UBQLN4: variants seen among roughly 807,000 people sequenced by gnomAD.
The protein encoded by UBQLN4 is ubiquilin 4.
In UBQLN4, 11 loss-of-function variants were observed where a neutral mutation model predicts 60.4. The observed-to-expected ratio is 0.18, with a 90% CI of 0.11 to 0.30. The LOEUF (loss-of-function observed/expected upper bound fraction) is 0.30. Among genes scored for constraint, UBQLN4 ranks in the 10% least tolerant of loss-of-function variants. UBQLN4 has a pLI of 1.00. For synonymous variants in UBQLN4, 258 were observed against 313.1 expected (o/e 0.82, Z 1.86); for missense variants, 417 against 795.5 (o/e 0.52, Z 5.72).
intron 1 of UBQLN4, 132 bp downstream of exon 1, chr1:156,053,462 G>A: frequency 1.7e-6 from 1 of 598,800 alleles, no homozygotes; most frequent in South Asian, 8.7e-5. Flanking sequence ...CTTGCCTTCA[G>A]CTCCTCGGAG....
Position 156,042,815 on chromosome 1 carries a change from T to G in UBQLN4, c.1225A>C (p.Met409Leu). 6.2e-7 allele frequency: 1 copy of G among 1,614,218 alleles called. No homozygotes were observed. Among genetic ancestry groups the G allele is most frequent in the East Asian group, 2.2e-5 (1 of 44,892 alleles). ...GGGTTCTGGGCAAGCGTCTGCATCA[T>G]GCTGCGCATGTAGGGTGCTGAGATC... is the stretch of plus-strand genomic sequence containing the variant. Reference protein sequence around the residue: ...NVISAPYMRSMMQTLAQNPDF... With the variant: ...NVISAPYMRSLMQTLAQNPDF... Residue 409 changes from methionine to leucine, a missense_variant, in exon 7 of 11, where the codon ATG becomes CTG. Met to Leu is a conservative substitution (Grantham distance 15). Coordinates refer to ENST00000368309, the MANE Select transcript of UBQLN4 (RefSeq NM_020131.5).
chr1:156,037,079 T>C lies in UBQLN4; in HGVS notation c.1705A>G (p.Met569Val). ...FQQQLEQLNS[M>V]GFINREANLQ... is the part of the protein sequence containing the mutation. ...TTAGCCTCACGATTGATGAAGCCCA[T>C]GGAGTTGAGCTGCTCCAGCTGCTGC... is the stretch of plus-strand genomic sequence containing the variant. Residue 569 changes from methionine to valine, a missense_variant, in exon 11 of 11, where the codon ATG becomes GTG. Physicochemically the swap from Met to Val is conservative, Grantham distance 21. Transcript: ENST00000368309. The C allele has an allele frequency of 6.2e-7, 1 of 1,614,186 alleles. No individual in the cohort carries two copies. The highest frequency in any genetic ancestry group is 8.5e-7 in the Non-Finnish European group (1 of 1,180,026).
chr1:156,048,132 C>T lies in UBQLN4; in HGVS notation c.900+369G>A, dbSNP rs544081092. 1.6e-4 allele frequency among the ~76,000 whole-genome samples: 25 copies of T among 152,212 alleles called. No individual in the cohort carries two copies. The highest frequency in any genetic ancestry group is 6.0e-4 in the African/African-American group (25 of 41,522). On this transcript the variant is annotated intron_variant, in intron 5 of 10. Transcript: ENST00000368309. The surrounding 1 kb of genome is among the most constrained non-coding windows in gnomAD (Gnocchi z 4.9). The stretch of plus-strand genomic sequence containing the variant: ...AGGTGGGGACCAGGATTCTCATTAT[C>T]AACAAGGTCCCCAGGTGATTCTGAT...
At chr1:156,033,175 C>T (rs1359332176), downstream of UBQLN4, 11 of 980,650 alleles carry the variant, frequency 1.1e-5, no homozygotes, top group Non-Finnish European at 1.3e-5. Context: ...GAAAACAAGG[C>T]ATCCGACTCT....
At chr1:156,042,109 T>C (rs1683583506) in intron 8 of UBQLN4, 44 bp downstream of exon 8, 1 of 1,608,416 alleles carries the variant, frequency 6.2e-7, no homozygotes, top group South Asian at 1.1e-5. Context: ...CTTCAGGGAC[T>C]ACCCCTTGCC....
Position 156,036,550 on chromosome 1 carries a change from A to G in UBQLN4, c.*428T>C. The G allele has an allele frequency of 3.0e-6, 3 of 987,904 alleles. No homozygotes were observed. The highest frequency in any genetic ancestry group is 3.6e-6 in the Non-Finnish European group (3 of 831,456). 61.2% of individuals were successfully genotyped at this position (987,904 alleles called of 1,614,324 possible). The stretch of plus-strand genomic sequence containing the variant: ...GGGCTAGGGGTTGGGGGGTAGGGAG[A>G]AAAAGAAGGAAGAGAGTTACCAAAA... On this transcript the variant is annotated 3_prime_UTR_variant, in exon 11 of 11. Coordinates refer to ENST00000368309, the MANE Select transcript of UBQLN4 (RefSeq NM_020131.5).
rs1683771359 is a variant in UBQLN4, at chr1:156,048,390, C to T, written c.900+111G>A. 7.6e-7 allele frequency: 1 copy of T among 1,319,224 alleles called. No homozygotes were observed. The highest frequency in any genetic ancestry group is 2.6e-5 in the Admixed American group (1 of 38,644). 81.7% of individuals were successfully genotyped at this position (1,319,224 alleles called of 1,614,324 possible). A position where few individuals can be genotyped will look rare whatever the true frequency, so the allele number is the denominator to read the frequency against. On this transcript the variant is annotated intron_variant, in intron 5 of 10. Transcript: ENST00000368309. The surrounding 1 kb of genome is among the most constrained non-coding windows in gnomAD (Gnocchi z 4.9). The stretch of plus-strand genomic sequence containing the variant: ...GAACTGCCTTCAAGCCAAGGCCCAC[C>T]CCTCAGGGGACTGGGGAAAGAAAGA...
intron 10 of UBQLN4, among the ~76,000 whole-genome samples, chr1:156,040,083 C>T (rs374828250): frequency 2.8e-4 from 42 of 152,016 alleles, no homozygotes; most frequent in African/African-American, 9.9e-4. Flanking sequence ...CACTAAGGCC[C>T]CCTGACTTGC....
In UBQLN4 at chr1:156,048,752, G is replaced by T; in HGVS notation, c.742-93C>A. The T allele has an allele frequency of 7.0e-7, 1 of 1,420,118 alleles. No homozygotes were observed. The highest frequency in any genetic ancestry group is 9.6e-7 in the Non-Finnish European group (1 of 1,040,632). The allele number at this position is 1,420,118 out of a possible 1,614,324, so 88.0% of individuals were successfully genotyped here. A position where few individuals can be genotyped will look rare whatever the true frequency, so the allele number is the denominator to read the frequency against. ...CCTTGAGGAAGGGGGGTCTGTATCA[G>T]GATCAGGACCAGGGCCCAGGAACTG... On this transcript the variant is annotated intron_variant, in intron 4 of 10. Coordinates refer to ENST00000368309, the MANE Select transcript of UBQLN4 (RefSeq NM_020131.5). The surrounding 1 kb of genome is among the most constrained non-coding windows in gnomAD (Gnocchi z 4.9).
chr1:156,035,459 GT>G lies in UBQLN4; in HGVS notation c.*1518del. 1.0e-6 allele frequency: 1 copy of G among 984,752 alleles called. No homozygotes were observed. Among genetic ancestry groups the G allele is most frequent in the Non-Finnish European group, 1.2e-6 (1 of 829,466 alleles). 61.0% of individuals were successfully genotyped at this position (984,752 alleles called of 1,614,324 possible). The stretch of plus-strand genomic sequence containing the variant: ...TTGCCGTCATATTCTCAGCCATGGG[GT>G]CGGTCCTCCAAGCAGCTGGGCCAAG... On this transcript the variant is annotated 3_prime_UTR_variant, in exon 11 of 11. Transcript: ENST00000368309.
At chr1:156,045,443 T>C (rs1485546276) in intron 5 of UBQLN4, among the ~76,000 whole-genome samples, 1 of 152,242 alleles carries the variant, frequency 6.6e-6, no homozygotes, top group Non-Finnish European at 1.5e-5. Flanking sequence ...GGACGAAATC[T>C]CTTTTCCTGA....
chr1:156,041,941 A>G lies in UBQLN4; in HGVS notation c.1397T>C (p.Met466Thr), dbSNP rs1402617832. ...CTGCTGGATCTGCAGCAATGCCTGC[A>G]TGGCTCGGGGATTGGTAAGGATGGA... ...SLSILTNPRAMQALLQIQQGL... is the reference protein window; with the variant it reads ...SLSILTNPRATQALLQIQQGL... Residue 466 changes from methionine (M) to threonine (T), a missense_variant, in exon 9 of 11, where the codon ATG (methionine) becomes ACG (threonine). Physicochemically the swap from Met to Thr is moderately conservative, Grantham distance 81. Coordinates refer to ENST00000368309, the MANE Select transcript of UBQLN4 (RefSeq NM_020131.5). 3 of 1,614,086 alleles carry G rather than the reference A, an allele frequency of 1.9e-6. No individual in the cohort carries two copies. Among genetic ancestry groups the G allele is most frequent in the Non-Finnish European group, 2.5e-6 (3 of 1,179,998 alleles).
intron 5 of UBQLN4, among the ~76,000 whole-genome samples, chr1:156,047,661 C>T (rs1032581190): frequency 1.3e-4 from 19 of 150,830 alleles, no homozygotes; most frequent in African/African-American, 4.4e-4. Flanking sequence ...TTTTGGAGGC[C>T]AAGGTGGGCG....
Position 156,050,532 on chromosome 1 carries a change from C to T in UBQLN4, c.500G>A (p.Gly167Glu). 5 of 1,611,642 alleles carry T rather than the reference C, an allele frequency of 3.1e-6. No homozygotes were observed. Reference protein sequence around the residue: ...SILSGFGGILGLGSLGLGSAN... With the variant: ...SILSGFGGILELGSLGLGSAN... The stretch of plus-strand genomic sequence containing the variant: ...AGAGCCCAGGCCTAGGCTGCCCAGC[C>T]CCAGGATGCCCCCAAAGCCAGCTGT... The change falls in exon 4 of 11, where the codon GGG becomes GAG. Residue 167 changes from glycine to glutamate, a missense_variant. By Grantham distance (98) the Gly-to-Glu change is moderately conservative. Coordinates refer to ENST00000368309, the MANE Select transcript of UBQLN4 (RefSeq NM_020131.5). The surrounding 1 kb of genome is among the most constrained non-coding windows in gnomAD (Gnocchi z 4.6).
rs755653731 is a variant in UBQLN4, at chr1:156,036,983, A to C, written c.1801T>G (p.Ser601Ala). 2 of 1,613,848 alleles carry C rather than the reference A, an allele frequency of 1.2e-6. No homozygotes were observed. The highest frequency in any genetic ancestry group is 8.5e-7 in the Non-Finnish European group (1 of 1,179,878). Reference protein sequence around the residue: ...AIERLLGSQLS With the variant: ...AIERLLGSQLA ...AGGAGGCATGGGCCGAGGGATTAGG[A>C]GAGCTGGGAGCCCAGCAGTCTCTCG... The change falls in exon 11 of 11, where the codon TCC becomes GCC. Residue 601 changes from serine (S) to alanine (A), a missense_variant. By Grantham distance (99) the Ser-to-Ala change is moderately conservative (BLOSUM62 1). Transcript: ENST00000368309.
At chr1:156,052,654 G>A (rs1466245863) in intron 1 of UBQLN4, among the ~76,000 whole-genome samples, 1 of 152,144 alleles carries the variant, frequency 6.6e-6, no homozygotes, top group Non-Finnish European at 1.5e-5. Context: ...AGAAAACTGA[G>A]GATCAGCGAG....
At chr1:156,037,174 G>A (rs750366483) in intron 10 of UBQLN4, 44 bp from the exon 11 acceptor site, 2 of 1,594,422 alleles carry the variant, frequency 1.3e-6, no homozygotes, top group African/African-American at 1.4e-5. Flanking sequence ...GACCAATCTT[G>A]GGGGCCCTAT....
chr1:156,044,409 G>A (rs577941503), intron 5 of UBQLN4, among the ~76,000 whole-genome samples, 186 bp from the exon 6 acceptor site: 4 of 152,240 alleles, frequency 2.6e-5, no homozygotes, highest in Admixed American at 2.6e-4. Flanking sequence ...TCCATAGGGT[G>A]GGAGCTAGCT....
chr1:156,035,494 G>A lies in UBQLN4; in HGVS notation c.*1484C>T. On this transcript the variant is annotated 3_prime_UTR_variant, in exon 11 of 11. Coordinates refer to ENST00000368309, the MANE Select transcript of UBQLN4 (RefSeq NM_020131.5). ...CAAGCAGCTGGGCCAAGTAGGAGAG[G>A]GAAGAGGTGATATGAGCCTCCTCTG... 2.0e-6 allele frequency: 2 copies of A among 985,384 alleles called. No individual in the cohort carries two copies. Among genetic ancestry groups the A allele is most frequent in the Non-Finnish European group, 2.4e-6 (2 of 829,894 alleles). 61.0% of individuals were successfully genotyped at this position (985,384 alleles called of 1,614,324 possible). A position where few individuals can be genotyped will look rare whatever the true frequency, so the allele number is the denominator to read the frequency against.
Sources: gnomAD v4.1 joint callset for allele counts (sites outside exome capture counted in the v4.1 genomes callset) on GRCh38, gnomAD v4.1.1 for gene constraint, Gnocchi (gnomAD v3.1) non-coding constraint, MANE v1.5 for transcripts, NCBI Gene and HGNC (gene_info 2026-07-23, HGNC 2026-07-21) for gene names.